The following C1orf159 variants were observed in gnomAD, a reference collection of about 807,000 sequenced individuals.
C1orf159 encodes uncharacterized protein C1orf159.
Under a neutral mutation model 25.6 loss-of-function variants are expected in C1orf159, and 19 were observed. That is an observed-to-expected ratio of 0.74 (90% CI 0.52 to 1.09). The LOEUF (loss-of-function observed/expected upper bound fraction) is 1.09. Ranked by LOEUF, C1orf159 falls within the 50% of genes least tolerant of loss-of-function variation. The pLI is 0.00. For synonymous variants in C1orf159, 139 were observed against 124.7 expected (o/e 1.12, Z -0.77); for missense variants, 274 against 290.6 (o/e 0.94, Z 0.42).
At chr1:1,108,942 CA>C (rs1393820670) in intron 1 of C1orf159, among the ~76,000 whole-genome samples, 1 of 103,106 alleles carries the variant, frequency 9.7e-6, no homozygotes, top group African/African-American at 5.6e-5. Context: ...CATGTCTCGG[CA>C]GCACCGTTCA....
rs1437770285 is a variant in C1orf159, at chr1:1,087,034, CCT to C, written c.310+103_310+104del. On this transcript the variant is annotated intron_variant, in intron 6 of 9. Coordinates refer to ENST00000421241, the MANE Select transcript of C1orf159 (RefSeq NM_017891.5). This position sits in a 1 kb window ranked among gnomAD's most constrained non-coding sequence, Gnocchi z 8.3. ...CTCCCCTCTGGCTGTTTTGCAGAACCCTGAGCCTGCTGTGGCTGCGTCAAGGG... is the reference window on the plus strand; with the variant it reads ...CTCCCCTCTGGCTGTTTTGCAGAACCGAGCCTGCTGTGGCTGCGTCAAGGG... The C allele has an allele frequency of 1.6e-6, 2 of 1,220,648 alleles. No homozygotes were observed. Among genetic ancestry groups the C allele is most frequent in the African/African-American group, 3.0e-5 (2 of 66,692 alleles). 75.6% of individuals were successfully genotyped at this position (1,220,648 alleles called of 1,614,324 possible).
At chr1:1,113,907 C>A (rs1183971685) in intron 1 of C1orf159, among the ~76,000 whole-genome samples, 1 of 146,632 alleles carries the variant, frequency 6.8e-6, no homozygotes, top group Non-Finnish European at 1.5e-5. Context: ...CACGCTCCCT[C>A]GAGGCCTTTT....
intron 1 of C1orf159, among the ~76,000 whole-genome samples, chr1:1,108,728 C>T (rs1237828487): frequency 6.8e-5 from 3 of 44,274 alleles, no homozygotes; most frequent in Non-Finnish European, 4.4e-5. Flanking sequence ...CTCAGCAGCA[C>T]CGTCCACCAC....
intron 1 of C1orf159, among the ~76,000 whole-genome samples, chr1:1,094,675 C>T (rs1645986063): frequency 6.6e-6 from 1 of 152,222 alleles, no homozygotes; most frequent in African/African-American, 2.4e-5. Flanking sequence ...GCTAGGATTA[C>T]AGGCATGAGC....
In C1orf159 at chr1:1,082,944, C is replaced by G; in HGVS notation, c.546G>C (p.Arg182Ser). The change falls in exon 10 of 10, where the codon AGG (arginine) becomes AGC (serine). Residue 182 changes from arginine to serine, a missense_variant. Physicochemically the swap from Arg to Ser is moderately radical, Grantham distance 110. Transcript: ENST00000421241. ...CCGGGAAGGCAGCGGGATCCGTGGC[C>G]CTGTCCAGGGGCCGCTCCCGCCTGA... ...RYVRRERPLDRATDPAAFPGE... is the reference protein window; with the variant it reads ...RYVRRERPLDSATDPAAFPGE... 6.2e-7 allele frequency: 1 copy of G among 1,604,328 alleles called. No homozygotes were observed. The highest frequency in any genetic ancestry group is 8.5e-7 in the Non-Finnish European group (1 of 1,176,332).
At chr1:1,102,379 C>CTT (rs756300868) in intron 1 of C1orf159, among the ~76,000 whole-genome samples, 4 of 144,354 alleles carry the variant, frequency 2.8e-5, no homozygotes, top group Admixed American at 7.0e-5. Context: ...CACTTCCACC[C>CTT]TTTTTTTTTT....
At chr1:1,111,639 G>A (rs769234746) in intron 1 of C1orf159, among the ~76,000 whole-genome samples, 2 of 152,148 alleles carry the variant, frequency 1.3e-5, no homozygotes, top group Non-Finnish European at 2.9e-5. Flanking sequence ...AGCAACCACC[G>A]GCTGGGGCAG....
At chr1:1,090,766 T>C in intron 3 of C1orf159, 1 of 969,042 alleles carries the variant, frequency 1.0e-6, no homozygotes, top group Non-Finnish European at 1.6e-6. Flanking sequence ...CATCAGGGGT[T>C]TCCGCTTGAC....
chr1:1,100,174 T>C lies in C1orf159; in HGVS notation c.-135-8071A>G, dbSNP rs79044229. On this transcript the variant is annotated intron_variant, in intron 1 of 9. Transcript: ENST00000421241. ...TTTTGTAGACAGCATGTAGTAAATC[T>C]TGCTAATTTGTCCATTTTAGCAATC... 2.9e-3 allele frequency among the ~76,000 whole-genome samples: 441 copies of C among 152,338 alleles called. 2 individuals carry two copies. The highest frequency in any genetic ancestry group is 0.01 in the African/African-American group (428 of 41,574).
chr1:1,082,891 G>C lies in C1orf159; in HGVS notation c.*2C>G, dbSNP rs1021906064. 2 of 1,586,056 alleles carry C rather than the reference G, an allele frequency of 1.3e-6. No homozygotes were observed. The highest frequency in any genetic ancestry group is 1.3e-5 in the African/African-American group (1 of 74,412). ...GTGCGTGGCGTGGTCTCGGCCTCCA[G>C]GTCAGACATTGCTGATACGGGCCTC... On this transcript the variant is annotated 3_prime_UTR_variant, in exon 10 of 10. Coordinates refer to ENST00000421241, the MANE Select transcript of C1orf159 (RefSeq NM_017891.5).
At chr1:1,091,695 A>T in intron 2 of C1orf159, 130 bp from the exon 3 acceptor site, 1 of 404,282 alleles carries the variant, frequency 2.5e-6, no homozygotes, top group Non-Finnish European at 4.9e-6. Context: ...GCAGAGCCAA[A>T]TGGAGATGGG....
chr1:1,108,622 T>C (rs549148482), intron 1 of C1orf159, among the ~76,000 whole-genome samples: 2 of 104,652 alleles, frequency 1.9e-5, no homozygotes, highest in South Asian at 8.0e-4. Flanking sequence ...ACAGCCACCA[T>C]GTCTCAGCAG....
rs577400774 is a variant in C1orf159 at position 1,091,120 on chromosome 1, G to T, written c.72+352C>A. The T allele has an allele frequency of 1.4e-3, 937 of 690,480 alleles. 1 individual carries two copies. Among genetic ancestry groups the T allele is most frequent in the Non-Finnish European group, 1.9e-3 (774 of 410,396 alleles). The allele number at this position is 690,480 out of a possible 1,614,324, so 42.8% of individuals were successfully genotyped here. A position where few individuals can be genotyped will look rare whatever the true frequency, so the allele number is the denominator to read the frequency against. On this transcript the variant is annotated intron_variant, in intron 3 of 9. Transcript: ENST00000421241. ...AGTGAGGGGTCCCCACCCTCCACCC[G>T]CTCCGCCTGGGAGTCTGGAGCCGCC...
At chr1:1,085,299 C>G (rs563406402) in intron 7 of C1orf159, 1 of 428,838 alleles carries the variant, frequency 2.3e-6, no homozygotes, top group South Asian at 1.6e-5. Context: ...AGGGACCCTG[C>G]GGGGGCCGGC....
In C1orf159 at chr1:1,085,609, G is replaced by A. The variant is rs553388798; in HGVS notation, c.445+269C>T. Among the ~76,000 whole-genome samples the A allele has an allele frequency of 4.6e-5, 7 of 152,310 alleles. No individual in the cohort carries two copies. The South Asian group carries it at 1.5e-3, about 32-fold the overall frequency. Reference sequence around the variant, plus strand: ...GATGCCCTGAGGGCCCCGGGGAGACGCCTCTGCCGGAAGAGGGCTCCAGCA... The same window carrying A: ...GATGCCCTGAGGGCCCCGGGGAGACACCTCTGCCGGAAGAGGGCTCCAGCA... On this transcript the variant is annotated intron_variant, in intron 7 of 9. Transcript: ENST00000421241.
At position 1,100,028 on chromosome 1, in the gene C1orf159, G is replaced by A. The variant is rs1184193019; in HGVS notation, c.-135-7925C>T. Among the ~76,000 whole-genome samples, 4 of 152,190 alleles carry A rather than the reference G, an allele frequency of 2.6e-5. No homozygotes were observed. The East Asian group carries it at 5.8e-4, about 22-fold the overall frequency. ...GCTATTCTGGAGACTGAGGCAGGAGGATCACTTGAGCCCAGGAGTTTGAGC... is the reference window on the plus strand; with the variant it reads ...GCTATTCTGGAGACTGAGGCAGGAGAATCACTTGAGCCCAGGAGTTTGAGC... On this transcript the variant is annotated intron_variant, in intron 1 of 9. Transcript: ENST00000421241.
At chr1:1,088,766 C>A (rs1007634035) in intron 4 of C1orf159, among the ~76,000 whole-genome samples, 1 of 152,172 alleles carries the variant, frequency 6.6e-6, no homozygotes. Flanking sequence ...ACAGACTGAT[C>A]TGAATACAAA....
intron 3 of C1orf159, 150 bp downstream of exon 3, chr1:1,091,322 C>CT (rs1265258763): frequency 1.2e-6 from 1 of 808,512 alleles, no homozygotes; most frequent in Non-Finnish European, 2.1e-6. Flanking sequence ...ACAGGCCCCT[C>CT]TGACCCCAGC....
chr1:1,088,209 C>A (rs1464878804), intron 4 of C1orf159, among the ~76,000 whole-genome samples: 1 of 93,042 alleles, frequency 1.1e-5, no homozygotes, highest in Non-Finnish European at 2.2e-5. Context: ...GACCCCCCCC[C>A]CATGGCCTCC....
Sources: allele counts gnomAD v4.1 joint callset (sites outside exome capture counted in the v4.1 genomes callset), GRCh38; gene constraint gnomAD v4.1.1; non-coding constraint Gnocchi (gnomAD v3.1); transcripts MANE v1.5; gene names NCBI Gene and HGNC (gene_info 2026-07-23, HGNC 2026-07-21).